The following CHN2 variants were observed in gnomAD, a reference collection of about 807,000 sequenced individuals.
CHN2 encodes the protein chimerin 2.
A neutral mutation model predicts 56.3 loss-of-function variants in CHN2; 35 were observed. That is an observed-to-expected ratio of 0.62 (90% CI 0.47 to 0.82). CHN2 has a LOEUF of 0.82. Among genes scored for constraint, CHN2 ranks in the 40% least tolerant of loss-of-function variants. The pLI is 0.00. For synonymous variants in CHN2, 210 were observed against 212.8 expected, an observed-to-expected ratio of 0.99 and a Z score of 0.12; for missense variants, 491 against 580.5, an observed-to-expected ratio of 0.85 and a Z score of 1.58.
chr7:29,195,625 AGAGAGTGTGTGTGTGTGTGTGTGT>A (rs1783618761), intron 1 of CHN2, among the ~76,000 whole-genome samples: 1 of 116,056 alleles, frequency 8.6e-6, no homozygotes, highest in Non-Finnish European at 1.7e-5. Flanking sequence ...AGAGAGAGAG[AGAGAGTGTGTGTGTGTGTGTGTGT>A]GAGAGAGAGA....
intron 4 of CHN2, among the ~76,000 whole-genome samples, chr7:29,395,652 A>T (rs922316557): frequency 5.3e-5 from 8 of 152,188 alleles, no homozygotes; most frequent in African/African-American, 1.2e-4. Context: ...GTCTTTGTGC[A>T]TGCTTGCTTT....
chr7:29,510,364 G>A (rs920045481), intron 12 of CHN2, among the ~76,000 whole-genome samples: 4 of 151,988 alleles, frequency 2.6e-5, no homozygotes, highest in Non-Finnish European at 5.9e-5. Context: ...GCTTGAACCC[G>A]GGAGACGAAG....
intron 2 of CHN2, among the ~76,000 whole-genome samples, chr7:29,147,815 A>G (rs1331356799): frequency 6.6e-6 from 1 of 152,244 alleles, no homozygotes; most frequent in East Asian, 1.9e-4. Context: ...AAAGTTATAA[A>G]CAAAGTTAAC....
At chr7:29,232,312 A>T (rs745718425) in intron 1 of CHN2, among the ~76,000 whole-genome samples, 12 of 151,836 alleles carry the variant, frequency 7.9e-5, no homozygotes, top group Non-Finnish European at 1.2e-4. Context: ...AAGCTATTTT[A>T]AAAAAATGCA....
intron 7 of CHN2, among the ~76,000 whole-genome samples, chr7:29,486,670 C>G (rs1307950869): frequency 6.6e-6 from 1 of 152,146 alleles, no homozygotes; most frequent in African/African-American, 2.4e-5. Flanking sequence ...TGCTGACAGA[C>G]TGAGGATGCA....
At chr7:29,360,562 C>T (rs1047109451) in intron 2 of CHN2, among the ~76,000 whole-genome samples, 1 of 152,192 alleles carries the variant, frequency 6.6e-6, no homozygotes. Context: ...GAAGGCAAGG[C>T]CTTCCCATGG....
chr7:29,314,337 A>C (rs1794804685), intron 1 of CHN2, among the ~76,000 whole-genome samples: 1 of 152,216 alleles, frequency 6.6e-6, no homozygotes, highest in Non-Finnish European at 1.5e-5. Context: ...GAGTAGTCAA[A>C]TTCACAAATA....
intron 1 of CHN2, among the ~76,000 whole-genome samples, chr7:29,258,737 G>C (rs1219999689): frequency 6.6e-6 from 1 of 152,166 alleles, no homozygotes; most frequent in Non-Finnish European, 1.5e-5. Flanking sequence ...AACATAAAAT[G>C]AGCAAAACTT....
intron 6 of CHN2, among the ~76,000 whole-genome samples, chr7:29,414,463 C>A (rs1456513841): frequency 6.6e-6 from 1 of 152,132 alleles, no homozygotes; most frequent in Admixed American, 6.5e-5. Flanking sequence ...TCCGTCCTCA[C>A]AACGGCTCTG....
Position 29,194,914 on chromosome 7 carries a change from C to T in CHN2, c.-28C>T, listed in dbSNP as rs1369093957. ...CGGCGGCGTCCGCACCGGGGCTGAG[C>T]GAGCAGCGACGCGAGGGGCGCGCGG... On this transcript the variant is annotated 5_prime_UTR_variant, in exon 1 of 13. Transcript: ENST00000222792. 6.5e-7 allele frequency: 1 copy of T among 1,536,540 alleles called. No homozygotes were observed. The highest frequency in any genetic ancestry group is 8.7e-7 in the Non-Finnish European group (1 of 1,146,504).
chr7:29,357,978 G>A (rs929657416), intron 2 of CHN2, among the ~76,000 whole-genome samples: 8 of 152,152 alleles, frequency 5.3e-5, no homozygotes, highest in Non-Finnish European at 1.0e-4. Flanking sequence ...ATCATGTATG[G>A]ATTCCATATT....
chr7:29,491,068 T>C (rs925273665), intron 7 of CHN2, among the ~76,000 whole-genome samples: 8 of 152,176 alleles, frequency 5.3e-5, no homozygotes, highest in African/African-American at 1.9e-4. Flanking sequence ...ATATAAAAGC[T>C]CAAAATTATA....
chr7:29,162,201 C>G (rs1795266717), intron 2 of CHN2, among the ~76,000 whole-genome samples: 1 of 152,174 alleles, frequency 6.6e-6, no homozygotes, highest in African/African-American at 2.4e-5. Flanking sequence ...ATCTTATATT[C>G]ACACAAAAAC....
At chr7:29,287,197 T>C (rs1792217276) in intron 1 of CHN2, among the ~76,000 whole-genome samples, 1 of 152,182 alleles carries the variant, frequency 6.6e-6, no homozygotes, top group South Asian at 2.1e-4. Flanking sequence ...CTGAGTCTCC[T>C]GGCAAAAATA....
At chr7:29,385,379 G>A (rs141150770) in intron 3 of CHN2, among the ~76,000 whole-genome samples, 192 of 152,256 alleles carry the variant, frequency 1.3e-3, no homozygotes, top group African/African-American at 4.3e-3. Context: ...TGACCTTTTA[G>A]GGGGATAATT....
intron 3 of CHN2, among the ~76,000 whole-genome samples, chr7:29,392,653 G>A (rs563914684): frequency 6.6e-6 from 1 of 152,252 alleles, no homozygotes; most frequent in Non-Finnish European, 1.5e-5. Flanking sequence ...AGCTCCTAGT[G>A]TCCTGTTACC....
intron 1 of CHN2, among the ~76,000 whole-genome samples, chr7:29,334,332 C>A (rs559607908): frequency 6.6e-6 from 1 of 152,160 alleles, no homozygotes; most frequent in East Asian, 1.9e-4. Flanking sequence ...AGCCTAAATT[C>A]AATTTCATAG....
intron 1 of CHN2, among the ~76,000 whole-genome samples, chr7:29,263,069 C>G (rs1451741911): frequency 6.6e-6 from 1 of 152,228 alleles, no homozygotes; most frequent in Non-Finnish European, 1.5e-5. Flanking sequence ...TGGTCTCCCT[C>G]TGATGCCGAG....
Position 29,211,059 on chromosome 7 carries a change from G to GTTTT in CHN2, c.49+16077_49+16080dup, listed in dbSNP as rs60239658. Among the ~76,000 whole-genome samples, 6 of 147,208 alleles carry GTTTT rather than the reference G, an allele frequency of 4.1e-5. No individual in the cohort carries two copies. The South Asian group carries it at 8.7e-4, about 21-fold the overall frequency. The stretch of plus-strand genomic sequence containing the variant: ...TGGCATGATCTGACTTAGGTGTTTT[G>GTTTT]TTTTTTTTTTTGTTGTTGTTGTTGT... On this transcript the variant is annotated intron_variant, in intron 1 of 12. Coordinates refer to ENST00000222792, the MANE Select transcript of CHN2 (RefSeq NM_004067.4).
Sources: gnomAD v4.1 joint callset for allele counts (sites outside exome capture counted in the v4.1 genomes callset) on GRCh38, gnomAD v4.1.1 for gene constraint, MANE v1.5 for transcripts, NCBI Gene and HGNC (gene_info 2026-07-23, HGNC 2026-07-21) for gene names.